The following KLHL42 variants were observed in gnomAD, a reference collection of about 807,000 sequenced individuals.
KLHL42 encodes the protein kelch-like protein 42.
Under a neutral mutation model 32.7 loss-of-function variants are expected in KLHL42, and 27 were observed. The observed-to-expected ratio is 0.83, with a 90% CI of 0.61 to 1.14. The LOEUF is 1.14. Ranked by LOEUF, KLHL42 falls within the 50% of genes most tolerant of loss-of-function variation. KLHL42 has a pLI of 0.00. For synonymous variants in KLHL42, 267 were observed against 248.2 expected (o/e 1.08, Z -0.71); for missense variants, 491 against 560.8 (o/e 0.88, Z 1.26).
In KLHL42 at chr12:27,781,191, G is replaced by A. The variant is rs1488674632; in HGVS notation, c.861G>A (p.Met287Ile). 6.2e-7 allele frequency: 1 copy of A among 1,613,558 alleles called. No homozygotes were observed. The highest frequency in any genetic ancestry group is 1.3e-5 in the African/African-American group (1 of 74,924). ...ACGAGTGGCTCCAGGTGGCCTCCAT[G>A]AACCAGAAGAGGTAAGCACCCCGGC... ...STNEWLQVAS[M>I]NQKRSNFKLV... Residue 287 changes from methionine to isoleucine, a missense_variant, in exon 1 of 3, where the codon ATG becomes ATA. Coordinates refer to ENST00000381271, the MANE Select transcript of KLHL42 (RefSeq NM_020782.2).
At position 27,800,001 on chromosome 12, in the gene KLHL42, T is replaced by C. The variant is rs541819237; in HGVS notation, c.*1835T>C. The C allele has an allele frequency of 4.3e-4, 379 of 887,980 alleles. No individual in the cohort carries two copies. The highest frequency in any genetic ancestry group is 4.9e-4 in the Non-Finnish European group (361 of 741,130). 55.0% of individuals were successfully genotyped at this position (887,980 alleles called of 1,614,324 possible). ...ATGTTAATTTATATTCATTGTAGAA[T>C]TGAATTTCCAGTGACCTGTAATTTC... On this transcript the variant is annotated 3_prime_UTR_variant, in exon 3 of 3. Transcript: ENST00000381271.
rs1001064766 is a variant in KLHL42, at chr12:27,794,802, C to CTT, written c.1067-2904_1067-2903dup. Among the ~76,000 whole-genome samples the CTT allele has an allele frequency of 2.0e-5, 3 of 148,924 alleles. No individual in the cohort carries two copies. In the Admixed American group the frequency reaches 2.0e-4, roughly 10 times the overall value. On this transcript the variant is annotated intron_variant, in intron 2 of 2. Coordinates refer to ENST00000381271, the MANE Select transcript of KLHL42 (RefSeq NM_020782.2). The stretch of plus-strand genomic sequence containing the variant: ...GAGAGGCAAGACAAAGAGAAGTGAC[C>CTT]TTTTTTTTTTCCCACTCCAAGTTTT...
intron 2 of KLHL42, among the ~76,000 whole-genome samples, chr12:27,797,089 G>A (rs551632390): frequency 8.6e-5 from 13 of 151,580 alleles, no homozygotes; most frequent in African/African-American, 3.1e-4. Flanking sequence ...ATATAATGGG[G>A]AAACTAAGGC....
Position 27,780,617 on chromosome 12 carries a change from T to C in KLHL42, c.287T>C (p.Met96Thr), listed in dbSNP as rs1195394642. 16 of 1,557,208 alleles carry C rather than the reference T, an allele frequency of 1.0e-5. No individual in the cohort carries two copies. Among genetic ancestry groups the C allele is most frequent in the African/African-American group, 1.4e-5 (1 of 73,696 alleles). Residue 96 changes from methionine to threonine, a missense_variant, in exon 1 of 3, where the codon ATG becomes ACG. Coordinates refer to ENST00000381271, the MANE Select transcript of KLHL42 (RefSeq NM_020782.2). The surrounding 1 kb of genome is among the most constrained non-coding windows in gnomAD (Gnocchi z 8.8). ...KGGGVDEDEE[M>T]DEVSLLSELV... The stretch of plus-strand genomic sequence containing the variant: ...GGCGGGGTGGACGAGGACGAGGAGA[T>C]GGATGAGGTGAGCCTGCTGTCCGAG...
intron 1 of KLHL42, among the ~76,000 whole-genome samples, chr12:27,782,722 G>A (rs948997021): frequency 6.6e-6 from 1 of 150,762 alleles, no homozygotes; most frequent in Non-Finnish European, 1.5e-5. Flanking sequence ...TACATCCTTG[G>A]TAGTCTTTGT....
chr12:27,789,238 C>T (rs1023195859), intron 1 of KLHL42, among the ~76,000 whole-genome samples: 1 of 152,308 alleles, frequency 6.6e-6, no homozygotes, highest in Non-Finnish European at 1.5e-5. Flanking sequence ...CCTTCTTATC[C>T]CTACTTAACA....
At chr12:27,790,582 CTTAT>C (rs2140818274) in intron 1 of KLHL42, among the ~76,000 whole-genome samples, 1 of 152,258 alleles carries the variant, frequency 6.6e-6, no homozygotes, top group South Asian at 2.1e-4. Flanking sequence ...AATCATAAGA[CTTAT>C]TTAGTGTCTG....
In KLHL42 at chr12:27,795,490, G is replaced by C. The variant is rs538588080; in HGVS notation, c.1067-2225G>C. Among the ~76,000 whole-genome samples the C allele has an allele frequency of 6.2e-4, 95 of 152,202 alleles. 1 individual carries two copies. In the South Asian group the frequency reaches 0.02, roughly 31 times the overall value. On this transcript the variant is annotated intron_variant, in intron 2 of 2. Coordinates refer to ENST00000381271, the MANE Select transcript of KLHL42 (RefSeq NM_020782.2). The stretch of plus-strand genomic sequence containing the variant: ...GTGGATGGATGGCTATTTGTGTAAG[G>C]GCCGAAAACTAGTTTTCTAAGATGG...
chr12:27,786,753 C>A, intron 1 of KLHL42, among the ~76,000 whole-genome samples: 1 of 129,260 alleles, frequency 7.7e-6, no homozygotes, highest in African/African-American at 3.2e-5. Flanking sequence ...GACAGAGTCT[C>A]GCTCTGTCGC....
chr12:27,791,460 CTTG>C (rs2062196717), intron 1 of KLHL42, among the ~76,000 whole-genome samples: 1 of 152,190 alleles, frequency 6.6e-6, no homozygotes, highest in Non-Finnish European at 1.5e-5. Flanking sequence ...AGATTAATAA[CTTG>C]TTGTATTGAA....
intron 2 of KLHL42, chr12:27,797,470 T>C: frequency 3.6e-6 from 2 of 559,684 alleles, no homozygotes; most frequent in South Asian, 3.8e-5. Flanking sequence ...GCTGCGCTTT[T>C]TCCTGGTTTT....
chr12:27,784,432 G>A (rs1304698421), intron 1 of KLHL42, among the ~76,000 whole-genome samples: 1 of 151,780 alleles, frequency 6.6e-6, no homozygotes, highest in East Asian at 1.9e-4. Flanking sequence ...GAGCCACCGC[G>A]CCCAGCTGTG....
At chr12:27,785,049 G>A (rs1420869347) in intron 1 of KLHL42, among the ~76,000 whole-genome samples, 1 of 152,140 alleles carries the variant, frequency 6.6e-6, no homozygotes, top group African/African-American at 2.4e-5. Context: ...AAAGTGACTG[G>A]GTAGGTGAAA....
At position 27,797,815 on chromosome 12, in the gene KLHL42, G is replaced by C. The variant is rs565258524; in HGVS notation, c.1167G>C (p.Val389=). 11 of 776,552 alleles carry C rather than the reference G, an allele frequency of 1.4e-5. 1 individual carries two copies. In the South Asian group the frequency reaches 1.5e-4, roughly 10 times the overall value. The allele number at this position is 776,552 out of a possible 1,614,324, so 48.1% of individuals were successfully genotyped here. Reference sequence around the variant, plus strand: ...TTCGCAAGCAGCAGATGGTGTCTGTGGAAGAGACCATCTACATCGTGGGGG... The same window carrying C: ...TTCGCAAGCAGCAGATGGTGTCTGTCGAAGAGACCATCTACATCGTGGGGG... ...VHIRKQQMVS[V]EETIYIVGGC... The change falls in exon 3 of 3, where the codon GTG becomes GTC. Residue 389 remains valine (V), a synonymous_variant. Coordinates refer to ENST00000381271, the MANE Select transcript of KLHL42 (RefSeq NM_020782.2).
intron 1 of KLHL42, among the ~76,000 whole-genome samples, chr12:27,783,416 G>A (rs1437146347): frequency 1.3e-5 from 2 of 152,106 alleles, no homozygotes; most frequent in African/African-American, 2.4e-5. Flanking sequence ...TAGGGGAAAA[G>A]TGTTTATGTA....
chr12:27,792,968 C>T (rs928063559), intron 2 of KLHL42, among the ~76,000 whole-genome samples: 5 of 152,090 alleles, frequency 3.3e-5, no homozygotes, highest in African/African-American at 1.2e-4. Context: ...CTAGGCTGGT[C>T]TTGAATTCCT....
rs2062253215 is a variant in KLHL42 at position 27,802,594 on chromosome 12, G to A, written c.*4428G>A. 3 of 152,686 alleles carry A rather than the reference G, an allele frequency of 2.0e-5. No individual in the cohort carries two copies. Among genetic ancestry groups the A allele is most frequent in the African/African-American group, 7.2e-5 (3 of 41,544 alleles). The allele number at this position is 152,686 out of a possible 1,614,324, so 9.5% of individuals were successfully genotyped here. ...TGACATAACCATTTTTATTCATACA[G>A]GAAGCATTAAATATAAAAGATGGTC... On this transcript the variant is annotated 3_prime_UTR_variant, in exon 3 of 3. Coordinates refer to ENST00000381271, the MANE Select transcript of KLHL42 (RefSeq NM_020782.2).
In KLHL42 at chr12:27,780,981, G is replaced by T. The variant is rs2062144866; in HGVS notation, c.651G>T (p.Pro217=). 1 of 1,600,770 alleles carries T rather than the reference G, an allele frequency of 6.2e-7. No individual in the cohort carries two copies. Reference sequence around the variant, plus strand: ...CTCACCCCTACCAGGGGGAGCCCCCGTCCATGCTCAGGTACGAGGAGATGA... The same window carrying T: ...CTCACCCCTACCAGGGGGAGCCCCCTTCCATGCTCAGGTACGAGGAGATGA... ...LAPHPYQGEP[P]SMLRYEEMTE... The change falls in exon 1 of 3, where the codon CCG becomes CCT. Residue 217 remains proline (P), a synonymous_variant. Transcript: ENST00000381271. This position sits in a 1 kb window ranked among gnomAD's most constrained non-coding sequence, Gnocchi z 8.8.
At position 27,791,830 on chromosome 12, in the gene KLHL42, A is replaced by G. The variant is rs766218670; in HGVS notation, c.995A>G (p.Asn332Ser). ...TGGAATTTTGTGGCGCCCTTACCCA[A>G]TCCTCTGGCTGAGTTCTCTGCCTGT... is the stretch of plus-strand genomic sequence containing the variant. Reference protein sequence around the residue: ...DAWNFVAPLPNPLAEFSACEC... With the variant: ...DAWNFVAPLPSPLAEFSACEC... The change falls in exon 2 of 3, where the codon AAT (asparagine) becomes AGT (serine). Residue 332 changes from asparagine (N) to serine (S), a missense_variant. Physicochemically the swap from Asn to Ser is conservative, Grantham distance 46. Around this residue, in one of 4 missense-constraint regions of KLHL42, gnomAD observed 152 missense variants for 125.9 expected, o/e 1.21. Coordinates refer to ENST00000381271, the MANE Select transcript of KLHL42 (RefSeq NM_020782.2). The G allele has an allele frequency of 3.1e-6, 5 of 1,613,940 alleles. No homozygotes were observed. Among genetic ancestry groups the G allele is most frequent in the African/African-American group, 2.7e-5 (2 of 74,878 alleles).
Sources: allele counts gnomAD v4.1 joint callset (sites outside exome capture counted in the v4.1 genomes callset), GRCh38; gene constraint gnomAD v4.1.1; regional missense constraint gnomAD v4.1.1; non-coding constraint Gnocchi (gnomAD v3.1); transcripts MANE v1.5; gene names NCBI Gene and HGNC (gene_info 2026-07-23, HGNC 2026-07-21).